Variants in ZXDB observed in about 807,000 individuals in gnomAD.
ZXDB encodes the protein zinc finger X-linked protein ZXDB.
For synonymous variants in ZXDB, 273 were observed against 314.3 expected, an observed-to-expected ratio of 0.87 and a Z score of 1.39; for missense variants, 413 against 679.1, an observed-to-expected ratio of 0.61 and a Z score of 4.36.
rs1185397431 is a variant in ZXDB, at chrX:57,595,423, A to C, written c.*963A>C. ...GATTGAAACATGGCTTTTGGCATGA[A>C]TGTTTCATAGGTTATGTTGTGTTCA... On this transcript the variant is annotated 3_prime_UTR_variant, in exon 1 of 1. Transcript: ENST00000374888. 9.0e-5 allele frequency: 11 copies of C among 122,865 alleles called. No individual in the cohort carries two copies. The highest frequency in any genetic ancestry group is 2.9e-4 in the African/African-American group (9 of 30,809). 10.1% of individuals were successfully genotyped at this position (122,865 alleles called of 1,213,427 possible).
Position 57,595,018 on chromosome X carries a change from A to T in ZXDB, c.*558A>T, listed in dbSNP as rs2057906980. 1 of 123,420 alleles carries T rather than the reference A, an allele frequency of 8.1e-6. No homozygotes were observed. Among genetic ancestry groups the T allele is most frequent in the Non-Finnish European group, 1.9e-5 (1 of 53,418 alleles). 10.2% of individuals were successfully genotyped at this position (123,420 alleles called of 1,213,427 possible). On this transcript the variant is annotated 3_prime_UTR_variant, in exon 1 of 1. Transcript: ENST00000374888. ...AGACATCTGATCATTTTATCCATAA[A>T]TATTCTTTATATATCTCTGAAAGCT...
chrX:57,597,248 A>G lies in ZXDB; in HGVS notation c.*2788A>G, dbSNP rs1292236424. 8.1e-6 allele frequency: 1 copy of G among 123,590 alleles called. No individual in the cohort carries two copies. The highest frequency in any genetic ancestry group is 3.2e-5 in the African/African-American group (1 of 30,883). The allele number at this position is 123,590 out of a possible 1,213,427, so 10.2% of individuals were successfully genotyped here. Reference sequence around the variant, plus strand: ...TTAGTGAAAAACAAAAAGTAGATGTACTTCTGTAAATCAGATAAATGCTTG... The same window carrying G: ...TTAGTGAAAAACAAAAAGTAGATGTGCTTCTGTAAATCAGATAAATGCTTG... On this transcript the variant is annotated 3_prime_UTR_variant, in exon 1 of 1. Coordinates refer to ENST00000374888, the MANE Select transcript of ZXDB (RefSeq NM_007157.4).
At position 57,594,654 on chromosome X, in the gene ZXDB, C is replaced by A; in HGVS notation, c.*194C>A. 2.0e-6 allele frequency: 1 copy of A among 493,203 alleles called. No homozygotes were observed. The highest frequency in any genetic ancestry group is 3.2e-6 in the Non-Finnish European group (1 of 309,148). The allele number at this position is 493,203 out of a possible 1,213,427, so 40.6% of individuals were successfully genotyped here. Reference sequence around the variant, plus strand: ...ACAAGTTGTGTGACCCTGAGCAAGTCAGTTAACCTATCTGAGCCTTAATTT... The same window carrying A: ...ACAAGTTGTGTGACCCTGAGCAAGTAAGTTAACCTATCTGAGCCTTAATTT... On this transcript the variant is annotated 3_prime_UTR_variant, in exon 1 of 1. Transcript: ENST00000374888.
Position 57,596,863 on chromosome X carries a change from C to T in ZXDB, c.*2403C>T, listed in dbSNP as rs938006658. ...CAAATGCTAACATTTACTGAGTGTACATTGAAGTTCTGTGCATACAGGAAG... is the reference window on the plus strand; with the variant it reads ...CAAATGCTAACATTTACTGAGTGTATATTGAAGTTCTGTGCATACAGGAAG... On this transcript the variant is annotated 3_prime_UTR_variant, in exon 1 of 1. Coordinates refer to ENST00000374888, the MANE Select transcript of ZXDB (RefSeq NM_007157.4). 2 of 123,362 alleles carry T rather than the reference C, an allele frequency of 1.6e-5. No individual in the cohort carries two copies. Among genetic ancestry groups the T allele is most frequent in the Non-Finnish European group, 3.8e-5 (2 of 53,261 alleles). The allele number at this position is 123,362 out of a possible 1,213,427, so 10.2% of individuals were successfully genotyped here. A position where few individuals can be genotyped will look rare whatever the true frequency, so the allele number is the denominator to read the frequency against.
Position 57,597,336 on chromosome X carries a change from A to C in ZXDB, c.*2876A>C, listed in dbSNP as rs2147345283. ...TTGCTCTGGAAATATTTGTACTCAT[A>C]TAGCATATTTCAAAAATGTTGTCAT... is the stretch of plus-strand genomic sequence containing the variant. On this transcript the variant is annotated 3_prime_UTR_variant, in exon 1 of 1. Transcript: ENST00000374888. The C allele has an allele frequency of 8.1e-6, 1 of 123,681 alleles. No individual in the cohort carries two copies. The highest frequency in any genetic ancestry group is 2.8e-4 in the East Asian group (1 of 3,605). The allele number at this position is 123,681 out of a possible 1,213,427, so 10.2% of individuals were successfully genotyped here. A position where few individuals can be genotyped will look rare whatever the true frequency, so the allele number is the denominator to read the frequency against.
rs765251154 is a variant in ZXDB at position 57,593,158 on chromosome X, G to A, written c.1110G>A (p.Glu370=). 14 of 1,210,387 alleles carry A rather than the reference G, an allele frequency of 1.2e-5. No individual in the cohort carries two copies. The African/African-American group carries it at 1.7e-4, about 15-fold the overall frequency. The part of the protein sequence containing the change: ...QENSFKCEVC[E]ESFPTQAKLS... ...ACTCATTCAAATGCGAGGTGTGCGA[G>A]GAGAGCTTCCCCACGCAGGCCAAAC... The change falls in exon 1 of 1, where the codon GAG becomes GAA. Residue 370 remains glutamate, a synonymous_variant. Coordinates refer to ENST00000374888, the MANE Select transcript of ZXDB (RefSeq NM_007157.4).
At position 57,594,803 on chromosome X, in the gene ZXDB, G is replaced by GT. The variant is rs1246643493; in HGVS notation, c.*352dup. 101 of 164,037 alleles carry GT rather than the reference G, an allele frequency of 6.2e-4. No homozygotes were observed. Among genetic ancestry groups the GT allele is most frequent in the Admixed American group, 1.2e-3 (16 of 13,101 alleles). The allele number at this position is 164,037 out of a possible 1,213,427, so 13.5% of individuals were successfully genotyped here. The stretch of plus-strand genomic sequence containing the variant: ...GACGTTTTTCAGTGATGTGGCATGC[G>GT]TTTTTTTTTAACTGCCCCCCCAGCC... On this transcript the variant is annotated 3_prime_UTR_variant, in exon 1 of 1. Transcript: ENST00000374888.
In ZXDB at chrX:57,592,456, C is replaced by G; in HGVS notation, c.408C>G (p.Pro136=). The G allele has an allele frequency of 1.7e-6, 2 of 1,166,621 alleles. No individual in the cohort carries two copies. Among genetic ancestry groups the G allele is most frequent in the Non-Finnish European group, 2.3e-6 (2 of 876,188 alleles). Residue 136 remains proline, a synonymous_variant, in exon 1 of 1, where the codon CCC becomes CCG. Transcript: ENST00000374888. ...GLQGGESGAN[P]AGPTALGPRC... is the part of the protein sequence containing the mutation. ...AGGGGGGCGAGAGCGGCGCGAATCC[C>G]GCGGGGCCCACTGCGCTAGGCCCCC...
At position 57,592,301 on chromosome X, in the gene ZXDB, G is replaced by A. The variant is rs759736466; in HGVS notation, c.253G>A (p.Gly85Ser). 4 of 1,183,280 alleles carry A rather than the reference G, an allele frequency of 3.4e-6. No homozygotes were observed. Residue 85 changes from glycine (G) to serine (S), a missense_variant, in exon 1 of 1, where the codon GGC (glycine) becomes AGC (serine). By Grantham distance (56) the Gly-to-Ser change is moderately conservative. Coordinates refer to ENST00000374888, the MANE Select transcript of ZXDB (RefSeq NM_007157.4). ...GAGGACCGATCAACCTAGCGGCGGC[G>A]GCGGCGGCGGCGGCGACGACTTCTT... is the stretch of plus-strand genomic sequence containing the variant. ...APRTDQPSGG[G>S]GGGGDDFFLV...
At position 57,592,432 on chromosome X, in the gene ZXDB, G is replaced by C. The variant is rs751009121; in HGVS notation, c.384G>C (p.Gln128His). The C allele has an allele frequency of 4.3e-6, 5 of 1,161,116 alleles. No homozygotes were observed. The highest frequency in any genetic ancestry group is 5.7e-6 in the Non-Finnish European group (5 of 874,660). The change falls in exon 1 of 1, where the codon CAG (glutamine) becomes CAC (histidine). Residue 128 changes from glutamine (Q) to histidine (H), a missense_variant. Transcript: ENST00000374888. ...AGGCCGAGGAGGGCCCGGGGCTCCA[G>C]GGGGGCGAGAGCGGCGCGAATCCCG... Reference protein sequence around the residue: ...REEAEEGPGLQGGESGANPAG... With the variant: ...REEAEEGPGLHGGESGANPAG...
chrX:57,592,630 C>T lies in ZXDB; in HGVS notation c.582C>T (p.Ala194=). Residue 194 remains alanine, a synonymous_variant, in exon 1 of 1, where the codon GCC becomes GCT. Transcript: ENST00000374888. ...VLTLATPPPH[A]WEPGAAPAQQ... ...CCCTGGCCACGCCCCCACCACACGC[C>T]TGGGAGCCAGGGGCCGCTCCTGCCC... 8.4e-7 allele frequency: 1 copy of T among 1,194,527 alleles called. No homozygotes were observed. The highest frequency in any genetic ancestry group is 1.1e-6 in the Non-Finnish European group (1 of 889,128).
chrX:57,592,943 C>A lies in ZXDB; in HGVS notation c.895C>A (p.Gln299Lys), dbSNP rs764193214. ...KVHLLTHSSSQGQRPFKCPLG... is the reference protein window; with the variant it reads ...KVHLLTHSSSKGQRPFKCPLG... Reference sequence around the variant, plus strand: ...GCACCTGCTGACGCACAGCAGCAGCCAGGGCCAGAGGCCCTTCAAATGCCC... The same window carrying A: ...GCACCTGCTGACGCACAGCAGCAGCAAGGGCCAGAGGCCCTTCAAATGCCC... Residue 299 changes from glutamine to lysine, a missense_variant, in exon 1 of 1, where the codon CAG becomes AAG. Gln to Lys is a moderately conservative substitution (Grantham distance 53). Coordinates refer to ENST00000374888, the MANE Select transcript of ZXDB (RefSeq NM_007157.4). 33 of 1,202,356 alleles carry A rather than the reference C, an allele frequency of 2.7e-5. No homozygotes were observed. The African/African-American group carries it at 5.1e-4, about 18-fold the overall frequency.
At position 57,593,872 on chromosome X, in the gene ZXDB, G is replaced by T; in HGVS notation, c.1824G>T (p.Val608=). The change falls in exon 1 of 1, where the codon GTG becomes GTT. Residue 608 remains valine (V), a synonymous_variant. Transcript: ENST00000374888. ...ATGATCTCAGTGATGCAGAGATAGTGTCTCTCTTCTCTGATGTACCTGACA... is the reference window on the plus strand; with the variant it reads ...ATGATCTCAGTGATGCAGAGATAGTTTCTCTCTTCTCTGATGTACCTGACA... The part of the protein sequence containing the change: ...RQNDLSDAEI[V]SLFSDVPDST... The T allele has an allele frequency of 8.3e-7, 1 of 1,200,245 alleles. No individual in the cohort carries two copies. The highest frequency in any genetic ancestry group is 1.1e-6 in the Non-Finnish European group (1 of 887,704).
chrX:57,592,626 A>T lies in ZXDB; in HGVS notation c.578A>T (p.His193Leu), dbSNP rs750234182. 1.7e-6 allele frequency: 2 copies of T among 1,193,204 alleles called. No homozygotes were observed. The highest frequency in any genetic ancestry group is 2.2e-5 in the Admixed American group (1 of 44,691). ...CTCACCCTGGCCACGCCCCCACCACACGCCTGGGAGCCAGGGGCCGCTCCT... is the reference window on the plus strand; with the variant it reads ...CTCACCCTGGCCACGCCCCCACCACTCGCCTGGGAGCCAGGGGCCGCTCCT... The part of the protein sequence containing the change: ...GVLTLATPPP[H>L]AWEPGAAPAQ... Residue 193 changes from histidine (H) to leucine (L), a missense_variant, in exon 1 of 1, where the codon CAC becomes CTC. Coordinates refer to ENST00000374888, the MANE Select transcript of ZXDB (RefSeq NM_007157.4).
chrX:57,592,662 C>T lies in ZXDB; in HGVS notation c.614C>T (p.Pro205Leu). 1.7e-6 allele frequency: 2 copies of T among 1,193,198 alleles called. No individual in the cohort carries two copies. The highest frequency in any genetic ancestry group is 1.1e-6 in the Non-Finnish European group (1 of 888,630). ...CCAGGGGCCGCTCCTGCCCAGCAGC[C>T]CGGGTGTCTGATCGCCCCGCAAGCT... ...WEPGAAPAQQ[P>L]GCLIAPQAGF... The change falls in exon 1 of 1, where the codon CCC becomes CTC. Residue 205 changes from proline (P) to leucine (L), a missense_variant. Coordinates refer to ENST00000374888, the MANE Select transcript of ZXDB (RefSeq NM_007157.4).
rs1337570558 is a variant in ZXDB, at chrX:57,593,168, C to T, written c.1120C>T (p.Pro374Ser). Reference sequence around the variant, plus strand: ...ATGCGAGGTGTGCGAGGAGAGCTTCCCCACGCAGGCCAAACTCAGCGCCCA... The same window carrying T: ...ATGCGAGGTGTGCGAGGAGAGCTTCTCCACGCAGGCCAAACTCAGCGCCCA... The part of the protein sequence containing the change: ...FKCEVCEESF[P>S]TQAKLSAHQR... The change falls in exon 1 of 1, where the codon CCC becomes TCC. Residue 374 changes from proline (P) to serine (S), a missense_variant. Physicochemically the swap from Pro to Ser is moderately conservative, Grantham distance 74. Transcript: ENST00000374888. 1 of 1,210,126 alleles carries T rather than the reference C, an allele frequency of 8.3e-7. No homozygotes were observed. The highest frequency in any genetic ancestry group is 1.1e-6 in the Non-Finnish European group (1 of 895,293).
chrX:57,592,638 C>T lies in ZXDB; in HGVS notation c.590C>T (p.Pro197Leu), dbSNP rs753816867. The T allele has an allele frequency of 1.2e-5, 14 of 1,192,800 alleles. No individual in the cohort carries two copies. The East Asian group carries it at 3.7e-4, about 32-fold the overall frequency. The change falls in exon 1 of 1, where the codon CCA becomes CTA. Residue 197 changes from proline (P) to leucine (L), a missense_variant. Physicochemically the swap from Pro to Leu is moderately conservative, Grantham distance 98. Coordinates refer to ENST00000374888, the MANE Select transcript of ZXDB (RefSeq NM_007157.4). ...LATPPPHAWE[P>L]GAAPAQQPGC... ...ACGCCCCCACCACACGCCTGGGAGC[C>T]AGGGGCCGCTCCTGCCCAGCAGCCC...
chrX:57,593,576 G>A lies in ZXDB; in HGVS notation c.1528G>A (p.Gly510Ser), dbSNP rs368725428. ...HLKGHSITHL[G>S]TKPFVCPVAG... ...GAAAGGCCACAGCATAACCCACCTG[G>A]GCACAAAGCCTTTCGTGTGTCCTGT... The change falls in exon 1 of 1, where the codon GGC (glycine) becomes AGC (serine). Residue 510 changes from glycine to serine, a missense_variant. Gly to Ser is a moderately conservative substitution (Grantham distance 56). Coordinates refer to ENST00000374888, the MANE Select transcript of ZXDB (RefSeq NM_007157.4). 8.3e-7 allele frequency: 1 copy of A among 1,209,237 alleles called. No homozygotes were observed. Among genetic ancestry groups the A allele is most frequent in the African/African-American group, 1.8e-5 (1 of 56,885 alleles).
In ZXDB at chrX:57,593,052, G is replaced by C. The variant is rs780791504; in HGVS notation, c.1004G>C (p.Gly335Ala). 7 of 1,211,975 alleles carry C rather than the reference G, an allele frequency of 5.8e-6. No individual in the cohort carries two copies. In the South Asian group the frequency reaches 7.0e-5, roughly 12 times the overall value. ...LQSHDKLRPF[G>A]CPAEGCGKSF... is the part of the protein sequence containing the mutation. ...TCGCACGACAAACTGCGGCCCTTTGGCTGCCCGGCAGAGGGCTGTGGCAAG... is the reference window on the plus strand; with the variant it reads ...TCGCACGACAAACTGCGGCCCTTTGCCTGCCCGGCAGAGGGCTGTGGCAAG... The change falls in exon 1 of 1, where the codon GGC (glycine) becomes GCC (alanine). Residue 335 changes from glycine (G) to alanine (A), a missense_variant. Gly to Ala is a moderately conservative substitution (Grantham distance 60). Transcript: ENST00000374888.
Sources: gnomAD v4.1 joint callset for allele counts on GRCh38, gnomAD v4.1.1 for gene constraint, MANE v1.5 for transcripts, NCBI Gene and HGNC (gene_info 2026-07-23, HGNC 2026-07-21) for gene names.